Variants in PCDHGB5 observed in about 807,000 individuals in gnomAD.
PCDHGB5 encodes the protein protocadherin gamma subfamily B, 5.
A neutral mutation model predicts 62.9 loss-of-function variants in PCDHGB5; 48 were observed. That is an observed-to-expected ratio of 0.76 (90% CI 0.61 to 0.97). The LOEUF is 0.97. Among genes scored for constraint, PCDHGB5 ranks in the 50% least tolerant of loss-of-function variants. The pLI is 0.00. For synonymous variants in PCDHGB5, 474 were observed against 511.2 expected, an observed-to-expected ratio of 0.93 and a Z score of 0.98; for missense variants, 1,118 against 1,198.6, an observed-to-expected ratio of 0.93 and a Z score of 0.99.
At chr5:141,458,345 G>A (rs1161535708) in intron 1 of PCDHGB5, among the ~76,000 whole-genome samples, 2 of 152,112 alleles carry the variant, frequency 1.3e-5, no homozygotes, top group Non-Finnish European at 2.9e-5. Context: ...GGAGTGGAGA[G>A]TTTAATAAGC....
Position 141,485,092 on chromosome 5 carries a change from G to C in PCDHGB5, c.2398-9715G>C, listed in dbSNP as rs2099606725. 3.8e-6 allele frequency: 4 copies of C among 1,065,492 alleles called. No homozygotes were observed. Among genetic ancestry groups the C allele is most frequent in the Non-Finnish European group, 5.6e-6 (4 of 708,358 alleles). The allele number at this position is 1,065,492 out of a possible 1,614,324, so 66.0% of individuals were successfully genotyped here. A position where few individuals can be genotyped will look rare whatever the true frequency, so the allele number is the denominator to read the frequency against. Reference sequence around the variant, plus strand: ...CTGGCGCGGGGAAAGGGAGATAGGTGTCTCCAGCTGCTGTGGCTGTTTGGG... The same window carrying C: ...CTGGCGCGGGGAAAGGGAGATAGGTCTCTCCAGCTGCTGTGGCTGTTTGGG... On this transcript the variant is annotated intron_variant, in intron 1 of 3. Coordinates refer to ENST00000617380, the MANE Select transcript of PCDHGB5 (RefSeq NM_018925.3). This position sits in a 1 kb window ranked among gnomAD's most constrained non-coding sequence, Gnocchi z 5.7.
rs772637812 is a variant in PCDHGB5 at position 141,408,685 on chromosome 5, TATAAAC to T, written c.2397+8168_2397+8173del. On this transcript the variant is annotated intron_variant, in intron 1 of 3. Transcript: ENST00000617380. ...CGCTTGACCCTGCCACGGATCCTGA[TATAAAC>T]ATAAACTCAATTAAAGATTATAAGA... 8 of 1,613,994 alleles carry T rather than the reference TATAAAC, an allele frequency of 5.0e-6. No individual in the cohort carries two copies. The Admixed American group carries it at 1.0e-4, about 20-fold the overall frequency.
chr5:141,468,680 C>T (rs1176643092), intron 1 of PCDHGB5: 1 of 151,074 alleles, frequency 6.6e-6, no homozygotes, highest in Non-Finnish European at 1.5e-5. Flanking sequence ...TCCTGGCTAA[C>T]ACGGTGAAAC....
chr5:141,510,854 T>A, intron 3 of PCDHGB5, 93 bp from the exon 4 acceptor site: 1 of 1,602,320 alleles, frequency 6.2e-7, no homozygotes, highest in East Asian at 2.2e-5. Context: ...CCCAGGGTGC[T>A]GTATAGGCAT....
In PCDHGB5 at chr5:141,489,493, G is replaced by C. The variant is rs1485293604; in HGVS notation, c.2398-5314G>C. 3 of 1,614,078 alleles carry C rather than the reference G, an allele frequency of 1.9e-6. No homozygotes were observed. The South Asian group carries it at 3.3e-5, about 18-fold the overall frequency. On this transcript the variant is annotated intron_variant, in intron 1 of 3. Coordinates refer to ENST00000617380, the MANE Select transcript of PCDHGB5 (RefSeq NM_018925.3). This position sits in a 1 kb window ranked among gnomAD's most constrained non-coding sequence, Gnocchi z 4.5. Reference sequence around the variant, plus strand: ...CCTGAGCTTGATGAGTGGTGCCCTGGCAGTGAATCAAAAGATTGACCGAGA... The same window carrying C: ...CCTGAGCTTGATGAGTGGTGCCCTGCCAGTGAATCAAAAGATTGACCGAGA...
At chr5:141,504,842 A>G (rs944461166) in intron 2 of PCDHGB5, among the ~76,000 whole-genome samples, 7 of 151,968 alleles carry the variant, frequency 4.6e-5, no homozygotes, top group African/African-American at 1.7e-4. Context: ...CTAGCTCTGG[A>G]ACATTCTCTT....
In PCDHGB5 at chr5:141,485,222, C is replaced by A; in HGVS notation, c.2398-9585C>A. The A allele has an allele frequency of 6.2e-7, 1 of 1,614,196 alleles. No homozygotes were observed. The highest frequency in any genetic ancestry group is 8.5e-7 in the Non-Finnish European group (1 of 1,180,020). On this transcript the variant is annotated intron_variant, in intron 1 of 3. Transcript: ENST00000617380. This position sits in a 1 kb window ranked among gnomAD's most constrained non-coding sequence, Gnocchi z 5.7. ...GACAGAAATCTGGCGGTGGGCTACC[C>A]TTTTGTTCCTCTTTTACCACCTGGG...
At chr5:141,409,219 T>A in intron 1 of PCDHGB5, 1 of 1,614,022 alleles carries the variant, frequency 6.2e-7, no homozygotes, top group Non-Finnish European at 8.5e-7. Context: ...AAATCCTTGA[T>A]GAAAACGACA....
chr5:141,425,559 G>A (rs1180113940), intron 1 of PCDHGB5, among the ~76,000 whole-genome samples: 2 of 152,176 alleles, frequency 1.3e-5, no homozygotes, highest in East Asian at 3.9e-4. Context: ...TCTTTTATAA[G>A]TGATAAGAAG....
At chr5:141,470,508 G>A (rs947583701) in intron 1 of PCDHGB5, among the ~76,000 whole-genome samples, 10 of 152,176 alleles carry the variant, frequency 6.6e-5, no homozygotes, top group African/African-American at 2.4e-4. Flanking sequence ...TAATTAGACA[G>A]TTAGCTAATA....
intron 1 of PCDHGB5, chr5:141,410,801 A>T: frequency 3.4e-6 from 2 of 587,936 alleles, no homozygotes; most frequent in South Asian, 3.5e-5. Context: ...AAGTTGCTCT[A>T]TCTTTTTGTA....
intron 1 of PCDHGB5, among the ~76,000 whole-genome samples, chr5:141,480,959 C>A (rs1476891394): frequency 1.3e-5 from 2 of 152,086 alleles, no homozygotes; most frequent in East Asian, 3.8e-4. Flanking sequence ...GCGGAAGCAT[C>A]AGTGAGGGAG....
At chr5:141,455,740 G>C (rs2098830344) in intron 1 of PCDHGB5, among the ~76,000 whole-genome samples, 1 of 152,136 alleles carries the variant, frequency 6.6e-6, no homozygotes, top group Non-Finnish European at 1.5e-5. Context: ...GCATATCAAA[G>C]GTTGCTGGCC....
Position 141,432,670 on chromosome 5 carries a change from G to A in PCDHGB5, c.2397+32146G>A, listed in dbSNP as rs749221752. ...CGCGAGCCCTGCTGGACAGAGACGC[G>A]CTCAAGCAGAGCCTCGTAGTGGCCG... On this transcript the variant is annotated intron_variant, in intron 1 of 3. Coordinates refer to ENST00000617380, the MANE Select transcript of PCDHGB5 (RefSeq NM_018925.3). The surrounding 1 kb of genome is among the most constrained non-coding windows in gnomAD (Gnocchi z 6.0). The A allele has an allele frequency of 6.8e-6, 11 of 1,613,748 alleles. No individual in the cohort carries two copies. The East Asian group carries it at 1.8e-4, about 26-fold the overall frequency.
rs754547223 is a variant in PCDHGB5 at position 141,511,148 on chromosome 5, AGTC to A, written c.2749_2751del (p.Ser917del). The A allele has an allele frequency of 7.4e-6, 12 of 1,614,202 alleles. No individual in the cohort carries two copies. The highest frequency in any genetic ancestry group is 1.0e-5 in the Non-Finnish European group (12 of 1,180,016). ...GCAGGTGGCAATGGCAACAAGAAGA[AGTC>A]GGGCAAGAAGGAGAAGAAGTAACAT... On this transcript the variant is annotated inframe_deletion, in exon 4 of 4. Coordinates refer to ENST00000617380, the MANE Select transcript of PCDHGB5 (RefSeq NM_018925.3).
intron 3 of PCDHGB5, 154 bp from the exon 4 acceptor site, chr5:141,510,793 G>A: frequency 1.1e-6 from 1 of 935,078 alleles, no homozygotes; most frequent in Non-Finnish European, 1.3e-6. Context: ...CTCTTGTGAA[G>A]AGAGACTACC....
intron 2 of PCDHGB5, among the ~76,000 whole-genome samples, chr5:141,500,812 T>C: frequency 6.6e-6 from 1 of 152,322 alleles, no homozygotes; most frequent in South Asian, 2.1e-4. Flanking sequence ...CATATGAATA[T>C]ACATATTATT....
At position 141,489,074 on chromosome 5, in the gene PCDHGB5, C is replaced by A; in HGVS notation, c.2398-5733C>A. On this transcript the variant is annotated intron_variant, in intron 1 of 3. Coordinates refer to ENST00000617380, the MANE Select transcript of PCDHGB5 (RefSeq NM_018925.3). The surrounding 1 kb of genome is among the most constrained non-coding windows in gnomAD (Gnocchi z 4.5). ...TTCAGCTCCCCTCCCCCCTGCCCAC[C>A]CCCGCCACTCGGTGACTAAGAACTG... 9.4e-6 allele frequency: 3 copies of A among 320,798 alleles called. No individual in the cohort carries two copies. The highest frequency in any genetic ancestry group is 1.7e-5 in the Non-Finnish European group (3 of 177,744). 19.9% of individuals were successfully genotyped at this position (320,798 alleles called of 1,614,324 possible). A position where few individuals can be genotyped will look rare whatever the true frequency, so the allele number is the denominator to read the frequency against.
intron 1 of PCDHGB5, among the ~76,000 whole-genome samples, chr5:141,438,702 C>A (rs1217378337): frequency 5.7e-5 from 8 of 140,876 alleles, no homozygotes; most frequent in Non-Finnish European, 4.6e-5. Flanking sequence ...GCTCTGTCAC[C>A]CAGGCTGGAG....
Sources: gnomAD v4.1 joint callset for allele counts (sites outside exome capture counted in the v4.1 genomes callset) on GRCh38, gnomAD v4.1.1 for gene constraint, Gnocchi (gnomAD v3.1) non-coding constraint, MANE v1.5 for transcripts, NCBI Gene and HGNC (gene_info 2026-07-23, HGNC 2026-07-21) for gene names.